The following UGGT2 variants were observed in gnomAD, a reference collection of about 807,000 sequenced individuals.
UGGT2 encodes UDP-glucose glycoprotein glucosyltransferase 2, also known as UDP-glucose:glycoprotein glucosyltransferase 2.
Under a neutral mutation model 192.1 loss-of-function variants are expected in UGGT2, and 180 were observed. That is an observed-to-expected ratio of 0.94 (90% confidence interval 0.83 to 1.06). The LOEUF is 1.06. UGGT2 is among the 50% of genes least tolerant of loss of function. The pLI, the probability that UGGT2 is intolerant of heterozygous loss-of-function variation, is 0.00. For missense variants in UGGT2, 1,849 were observed against 1,795.7 expected (o/e 1.03, Z -0.54); for synonymous variants, 580 against 591.0 (o/e 0.98, Z 0.27).
At chr13:95,907,175 T>C (rs1164253378) in intron 20 of UGGT2, among the ~76,000 whole-genome samples, 2 of 152,210 alleles carry the variant, frequency 1.3e-5, no homozygotes, top group Non-Finnish European at 2.9e-5. Context: ...CTGTCTGAGA[T>C]TGAACTGCAA....
chr13:96,016,532 C>T (rs200240762), intron 4 of UGGT2, among the ~76,000 whole-genome samples: 1 of 151,764 alleles, frequency 6.6e-6, no homozygotes, highest in Non-Finnish European at 1.5e-5. Flanking sequence ...CCAGAGGGCA[C>T]AAGCCATAAG....
At chr13:95,986,678 T>C (rs1197166728) in intron 8 of UGGT2, among the ~76,000 whole-genome samples, 1 of 152,062 alleles carries the variant, frequency 6.6e-6, no homozygotes, top group Non-Finnish European at 1.5e-5. Context: ...CAGTATAATT[T>C]CGAGAGAGAT....
chr13:96,001,243 G>A (rs746659071), intron 5 of UGGT2, among the ~76,000 whole-genome samples: 92 of 152,228 alleles, frequency 6.0e-4, no homozygotes, highest in Non-Finnish European at 1.1e-3. Flanking sequence ...CACCACAAAA[G>A]AAGTGAAAAT....
chr13:95,866,380 T>C (rs79242342), intron 30 of UGGT2, among the ~76,000 whole-genome samples: 246 of 152,286 alleles, frequency 1.6e-3, no homozygotes, highest in African/African-American at 5.5e-3. Flanking sequence ...GTTTTGTGTA[T>C]TTGGTTAACT....
Position 95,863,636 on chromosome 13 carries a change from T to A in UGGT2, c.3637A>T (p.Ile1213Phe), listed in dbSNP as rs199576538. ...DEKTKGLWDS[I>F]KSFTVSLHKE... ...ATATTCATTAGTAATTACCTTTTAATGGAATCCCACAGTCCTTTTGTTTTT... is the reference window on the plus strand; with the variant it reads ...ATATTCATTAGTAATTACCTTTTAAAGGAATCCCACAGTCCTTTTGTTTTT... The change falls in exon 31 of 39, where the codon ATT (isoleucine) becomes TTT (phenylalanine). Residue 1213 changes from isoleucine to phenylalanine, a missense_variant. Coordinates refer to ENST00000376747, the MANE Select transcript of UGGT2 (RefSeq NM_020121.4). The A allele has an allele frequency of 1.3e-4, 203 of 1,607,458 alleles. No individual in the cohort carries two copies. The Admixed American group carries it at 3.3e-3, about 26-fold the overall frequency.
intron 10 of UGGT2, among the ~76,000 whole-genome samples, chr13:95,978,952 G>A (rs887272228): frequency 9.9e-5 from 15 of 152,142 alleles, no homozygotes; most frequent in African/African-American, 3.6e-4. Flanking sequence ...TTTTATTTGG[G>A]TAAGGTGCAA....
At chr13:95,845,800 G>T (rs527870841) in intron 36 of UGGT2, among the ~76,000 whole-genome samples, 13 of 149,902 alleles carry the variant, frequency 8.7e-5, no homozygotes, top group African/African-American at 2.9e-4. Context: ...GGGCAGAGGC[G>T]CTCTTCACAT....
chr13:95,954,961 G>A (rs545331626), intron 12 of UGGT2, among the ~76,000 whole-genome samples: 1 of 152,284 alleles, frequency 6.6e-6, no homozygotes, highest in Admixed American at 6.5e-5. Context: ...CAAGCATTTT[G>A]GATAAGGGAC....
At chr13:96,021,381 T>C (rs1349298745) in intron 4 of UGGT2, among the ~76,000 whole-genome samples, 1 of 152,172 alleles carries the variant, frequency 6.6e-6, no homozygotes, top group Non-Finnish European at 1.5e-5. Context: ...TTTTAAACAT[T>C]ACAAAATTTC....
chr13:96,015,713 G>GTA (rs1275736313), intron 4 of UGGT2, among the ~76,000 whole-genome samples: 24 of 152,246 alleles, frequency 1.6e-4, no homozygotes, highest in South Asian at 8.3e-4. Context: ...CAATTTTGTA[G>GTA]TATACACTTT....
chr13:95,985,131 C>T (rs896893589), intron 9 of UGGT2: 1 of 460,314 alleles, frequency 2.2e-6, no homozygotes. Context: ...AATCAACTGT[C>T]TGATCAAGAC....
At position 95,927,345 on chromosome 13, in the gene UGGT2, A is replaced by C. The variant is rs1339171248; in HGVS notation, c.1978-9T>G. On this transcript the variant is annotated splice_polypyrimidine_tract_variant and intron_variant, in intron 17 of 38. Transcript: ENST00000376747. ...CGATCATTTAATGTGCCCTAAAAAA[A>C]CAAAAATGTTATTTAGATAATACAG... 3.8e-6 allele frequency: 6 copies of C among 1,592,364 alleles called. No homozygotes were observed. Among genetic ancestry groups the C allele is most frequent in the Non-Finnish European group, 5.1e-6 (6 of 1,172,866 alleles).
chr13:96,021,909 T>C (rs922977772), intron 4 of UGGT2, among the ~76,000 whole-genome samples: 4 of 152,120 alleles, frequency 2.6e-5, no homozygotes, highest in African/African-American at 9.7e-5. Context: ...ACTTTTAACA[T>C]AATTCTAATT....
At chr13:95,802,687 GAGTCACAC>G (rs1323402234) in intron 38 of UGGT2, among the ~76,000 whole-genome samples, 3 of 152,192 alleles carry the variant, frequency 2.0e-5, no homozygotes, top group Non-Finnish European at 2.9e-5. Context: ...AGTGGACAGT[GAGTCACAC>G]AGTGAGGCTA....
intron 27 of UGGT2, among the ~76,000 whole-genome samples, chr13:95,882,657 T>C (rs909678454): frequency 6.6e-6 from 1 of 152,216 alleles, no homozygotes; most frequent in Non-Finnish European, 1.5e-5. Flanking sequence ...TTCATCCTAG[T>C]CTTCTAACTT....
intron 2 of UGGT2, among the ~76,000 whole-genome samples, chr13:96,027,267 G>A (rs1037110362): frequency 6.6e-6 from 1 of 152,126 alleles, no homozygotes; most frequent in Admixed American, 6.6e-5. Flanking sequence ...CCTGACAACA[G>A]ATACCAAATT....
chr13:95,823,366 C>A (rs539214393), intron 38 of UGGT2, among the ~76,000 whole-genome samples: 2 of 152,010 alleles, frequency 1.3e-5, no homozygotes, highest in Non-Finnish European at 2.9e-5. Context: ...CAGTGGAGTA[C>A]TTAAGTCCAC....
chr13:96,014,272 C>G (rs983417764), intron 4 of UGGT2, among the ~76,000 whole-genome samples: 1 of 152,080 alleles, frequency 6.6e-6, no homozygotes, highest in African/African-American at 2.4e-5. Flanking sequence ...GAATTCTGAT[C>G]TCTACAATCA....
chr13:96,018,074 T>C (rs868413447), intron 4 of UGGT2, among the ~76,000 whole-genome samples: 1 of 152,214 alleles, frequency 6.6e-6, no homozygotes, highest in African/African-American at 2.4e-5. Context: ...CTTAGAATCA[T>C]AACTGACAGT....
Sources: gnomAD v4.1 joint callset for allele counts (sites outside exome capture counted in the v4.1 genomes callset) on GRCh38, gnomAD v4.1.1 for gene constraint, MANE v1.5 for transcripts, NCBI Gene and HGNC (gene_info 2026-07-23, HGNC 2026-07-21) for gene names.